FGD6: variants seen among roughly 807,000 people sequenced by gnomAD.
The protein encoded by FGD6 is FYVE, RhoGEF and PH domain-containing protein 6.
A neutral mutation model predicts 149.4 loss-of-function variants in FGD6; 90 were observed. The observed-to-expected ratio is 0.60, with a 90% CI of 0.51 to 0.72. FGD6 has a LOEUF of 0.72. FGD6 is among the 30% of genes least tolerant of loss of function. FGD6 has a pLI of 0.00. For synonymous variants in FGD6, 527 were observed against 584.0 expected (o/e 0.90, Z 1.41); for missense variants, 1,437 against 1,684.8 (o/e 0.85, Z 2.57).
At chr12:95,185,692 C>G (rs888595687) in intron 2 of FGD6, among the ~76,000 whole-genome samples, 3 of 152,136 alleles carry the variant, frequency 2.0e-5, no homozygotes, top group African/African-American at 7.2e-5. Context: ...GAAACCTCGT[C>G]TCTTCTAAAA....
intron 8 of FGD6, among the ~76,000 whole-genome samples, chr12:95,131,631 A>C (rs1050960779): frequency 2.6e-5 from 4 of 152,182 alleles, no homozygotes; most frequent in Non-Finnish European, 5.9e-5. Flanking sequence ...AATTTTAAGC[A>C]ATGGAAGAAA....
intron 13 of FGD6, 149 bp from the exon 14 acceptor site, chr12:95,105,235 T>C (rs1331606230): frequency 1.0e-5 from 7 of 678,010 alleles, no homozygotes; most frequent in Non-Finnish European, 1.8e-5. Flanking sequence ...ATCTACTCTA[T>C]GCTTCAGATG....
intron 5 of FGD6, among the ~76,000 whole-genome samples, chr12:95,152,142 A>G (rs1880327194): frequency 6.6e-6 from 1 of 152,090 alleles, no homozygotes; most frequent in South Asian, 2.1e-4. Context: ...CCCGGGTAAC[A>G]TGTTGAAACC....
intron 14 of FGD6, among the ~76,000 whole-genome samples, chr12:95,103,392 T>C (rs2136239224): frequency 6.6e-6 from 1 of 152,344 alleles, no homozygotes; most frequent in African/African-American, 2.4e-5. Context: ...ACTCAGTCAG[T>C]AACTCAGTAA....
At chr12:95,116,955 A>C (rs1482057086) in intron 8 of FGD6, 1 of 455,656 alleles carries the variant, frequency 2.2e-6, no homozygotes, top group African/African-American at 2.0e-5. Flanking sequence ...ACAGGAAACC[A>C]GTAGCTGCCC....
At chr12:95,170,310 T>C (rs1880953097) in intron 3 of FGD6, among the ~76,000 whole-genome samples, 1 of 152,124 alleles carries the variant, frequency 6.6e-6, no homozygotes, top group Admixed American at 6.6e-5. Context: ...TTCTTCCTGA[T>C]TATGATTAAG....
At chr12:95,150,294 T>G (rs1880271091) in intron 5 of FGD6, among the ~76,000 whole-genome samples, 1 of 152,170 alleles carries the variant, frequency 6.6e-6, no homozygotes, top group Admixed American at 6.6e-5. Context: ...CCCAAGGTGC[T>G]GGGATTACAG....
chr12:95,191,594 A>C (rs920615101), intron 2 of FGD6, among the ~76,000 whole-genome samples: 3 of 152,078 alleles, frequency 2.0e-5, no homozygotes, highest in Middle Eastern at 3.4e-3. Context: ...CTCTCACAAT[A>C]TTTATTCTTA....
chr12:95,123,013 T>C (rs1332790583), intron 8 of FGD6, among the ~76,000 whole-genome samples: 2 of 149,768 alleles, frequency 1.3e-5, no homozygotes, highest in Admixed American at 6.7e-5. Context: ...ACCTGGGAAG[T>C]GGAGGTTGCA....
chr12:95,091,228 A>G (rs1271826056), intron 17 of FGD6, among the ~76,000 whole-genome samples: 1 of 152,264 alleles, frequency 6.6e-6, no homozygotes, highest in African/African-American at 2.4e-5. Context: ...AATAATGAGC[A>G]GGGAAATAGG....
At chr12:95,121,481 G>GTATATATA (rs71830420) in intron 8 of FGD6, among the ~76,000 whole-genome samples, 15 of 121,880 alleles carry the variant, frequency 1.2e-4, no homozygotes, top group African/African-American at 1.7e-4. Context: ...ATATATATAT[G>GTATATATA]TATATATATA....
chr12:95,203,700 G>A (rs944021906), intron 2 of FGD6, among the ~76,000 whole-genome samples: 1 of 152,006 alleles, frequency 6.6e-6, no homozygotes, highest in Non-Finnish European at 1.5e-5. Flanking sequence ...ATAAATCGAG[G>A]GTTTGCTAAG....
At chr12:95,157,804 TA>T (rs757289934) in intron 3 of FGD6, among the ~76,000 whole-genome samples, 1 of 152,166 alleles carries the variant, frequency 6.6e-6, no homozygotes, top group Non-Finnish European at 1.5e-5. Flanking sequence ...TCCTCTTTCC[TA>T]ATGATGGAGA....
chr12:95,137,511 G>A lies in FGD6; in HGVS notation c.2994+11C>T. 1 of 1,556,358 alleles carries A rather than the reference G, an allele frequency of 6.4e-7. No homozygotes were observed. Among genetic ancestry groups the A allele is most frequent in the Admixed American group, 1.9e-5 (1 of 51,844 alleles). On this transcript the variant is annotated intron_variant, in intron 7 of 20. Transcript: ENST00000343958. ...AAAGAGAAGTGTTCAACATTAGATA[G>A]TAGCAAATACCTCAAATTCTCTAAC...
intron 13 of FGD6, among the ~76,000 whole-genome samples, chr12:95,105,760 A>G (rs1217292667): frequency 1.3e-5 from 2 of 152,212 alleles, no homozygotes; most frequent in Non-Finnish European, 2.9e-5. Flanking sequence ...GCAGTGGCTC[A>G]CGCCTGTAAT....
intron 2 of FGD6, among the ~76,000 whole-genome samples, chr12:95,198,015 C>G (rs1357063860): frequency 6.6e-6 from 1 of 152,196 alleles, no homozygotes; most frequent in Admixed American, 6.5e-5. Flanking sequence ...TCATTAATTT[C>G]TATTCCTATC....
At chr12:95,144,414 CAG>C (rs1491051053) in intron 5 of FGD6, among the ~76,000 whole-genome samples, 1 of 151,402 alleles carries the variant, frequency 6.6e-6, no homozygotes, top group Non-Finnish European at 1.5e-5. Flanking sequence ...TTTTTTGAGA[CAG>C]AGTTTCACTC....
intron 1 of FGD6, among the ~76,000 whole-genome samples, chr12:95,213,326 C>T (rs1460569337): frequency 6.6e-6 from 1 of 152,056 alleles, no homozygotes; most frequent in Non-Finnish European, 1.5e-5. Context: ...TGCCTGTAAT[C>T]CCAGCACCTT....
At position 95,091,822 on chromosome 12, in the gene FGD6, T is replaced by C. The variant is rs368763548; in HGVS notation, c.3748-13A>G. On this transcript the variant is annotated splice_polypyrimidine_tract_variant and intron_variant, in intron 16 of 20. Coordinates refer to ENST00000343958, the MANE Select transcript of FGD6 (RefSeq NM_018351.4). ...CTTGGCATACAATCTGAAAACACAT[T>C]GGAATTATGTCATTAATTTCATTAG... The C allele has an allele frequency of 1.9e-6, 3 of 1,566,220 alleles. No individual in the cohort carries two copies. The highest frequency in any genetic ancestry group is 2.6e-6 in the Non-Finnish European group (3 of 1,140,840).
Sources: allele counts gnomAD v4.1 joint callset (sites outside exome capture counted in the v4.1 genomes callset), GRCh38; gene constraint gnomAD v4.1.1; transcripts MANE v1.5; gene names NCBI Gene and HGNC (gene_info 2026-07-23, HGNC 2026-07-21).